SLC6A5: variants seen among roughly 807,000 people sequenced by gnomAD.
SLC6A5 encodes the protein sodium- and chloride-dependent glycine transporter 2.
A neutral mutation model predicts 90.5 loss-of-function variants in SLC6A5; 58 were observed. That is an observed-to-expected ratio of 0.64 (90% confidence interval 0.52 to 0.80). The LOEUF (loss-of-function observed/expected upper bound fraction) is 0.80. SLC6A5 is among the 30% of genes least tolerant of loss of function. The pLI, the probability that SLC6A5 is intolerant of heterozygous loss-of-function variation, is 0.00. For synonymous variants in SLC6A5, 427 were observed against 401.4 expected (o/e 1.06, Z -0.76); for missense variants, 1,015 against 1,017.6 (o/e 1.00, Z 0.03).
At chr11:20,643,668 T>C (rs553381701) in intron 13 of SLC6A5, among the ~76,000 whole-genome samples, 3 of 152,346 alleles carry the variant, frequency 2.0e-5, no homozygotes, top group Non-Finnish European at 4.4e-5. Flanking sequence ...GTACCATGTT[T>C]GTGACTGACT....
At chr11:20,611,878 C>T (rs2133781194) in intron 5 of SLC6A5, among the ~76,000 whole-genome samples, 1 of 152,098 alleles carries the variant, frequency 6.6e-6, no homozygotes, top group Non-Finnish European at 1.5e-5. Context: ...TGGGCCCAGG[C>T]TGTCCCTTGC....
chr11:20,619,359 T>C (rs984085998), intron 7 of SLC6A5, among the ~76,000 whole-genome samples: 1 of 152,154 alleles, frequency 6.6e-6, no homozygotes, highest in African/African-American at 2.4e-5. Context: ...GATTACAGCT[T>C]TTATTAGTGC....
chr11:20,608,922 G>GTCTCTCTCTC (rs138477311), intron 5 of SLC6A5, among the ~76,000 whole-genome samples: 68 of 131,750 alleles, frequency 5.2e-4, no homozygotes, highest in African/African-American at 1.7e-3. Flanking sequence ...CTGTCTGTCT[G>GTCTCTCTCTC]TCTCTCTCTC....
chr11:20,600,412 A>AAGG, intron 1 of SLC6A5, among the ~76,000 whole-genome samples: 1 of 148,316 alleles, frequency 6.7e-6, no homozygotes, highest in South Asian at 2.2e-4. Flanking sequence ...GAAGAAGAAG[A>AAGG]CCTAAACAAA....
At chr11:20,618,547 G>A (rs1565277444) in intron 7 of SLC6A5, among the ~76,000 whole-genome samples, 3 of 152,166 alleles carry the variant, frequency 2.0e-5, no homozygotes, top group Non-Finnish European at 4.4e-5. Flanking sequence ...TCAGTTCCAA[G>A]CCACAGAAAG....
intron 2 of SLC6A5, among the ~76,000 whole-genome samples, chr11:20,602,459 T>G (rs1852498647): frequency 6.6e-6 from 1 of 152,222 alleles, no homozygotes; most frequent in South Asian, 2.1e-4. Flanking sequence ...GCTTTTGTTC[T>G]CTTCAATTTC....
intron 4 of SLC6A5, 136 bp from the exon 5 acceptor site, chr11:20,607,343 A>T: frequency 8.4e-7 from 1 of 1,191,806 alleles, no homozygotes; most frequent in Non-Finnish European, 1.2e-6. Context: ...TCCCTGGTAG[A>T]CATACAGTCC....
At chr11:20,644,620 T>C (rs185751956) in intron 13 of SLC6A5, among the ~76,000 whole-genome samples, 45 of 152,272 alleles carry the variant, frequency 3.0e-4, no homozygotes, top group African/African-American at 9.9e-4. Context: ...CTATTTTTAG[T>C]TTTCAGAGGA....
chr11:20,649,876 T>G (rs1411196283), intron 14 of SLC6A5, among the ~76,000 whole-genome samples: 2 of 152,212 alleles, frequency 1.3e-5, no homozygotes, highest in South Asian at 2.1e-4. Context: ...TAGGGACAAA[T>G]GTTTAAAAAG....
rs75450512 is a variant in SLC6A5, at chr11:20,654,780, G to A, written c.2306G>A (p.Arg769His). 1,104 of 1,614,060 alleles carry A rather than the reference G, an allele frequency of 6.8e-4. 2 individuals carry two copies. The African/African-American group carries it at 0.01, about 15-fold the overall frequency. Residue 769 changes from arginine (R) to histidine (H), a missense_variant, in exon 16 of 16, where the codon CGT becomes CAT. Arg to His is a conservative substitution (Grantham distance 29). Around this residue, in one of 3 missense-constraint regions of SLC6A5, gnomAD observed 442 missense variants for 494.3 expected, o/e 0.89. Coordinates refer to ENST00000525748, the MANE Select transcript of SLC6A5 (RefSeq NM_004211.5). ...GPFLAQHRGE[R>H]YKNMIDPLGT... Reference sequence around the variant, plus strand: ...TTCTTAGCTCAACACCGCGGGGAGCGTTACAAGAACATGATCGACCCCTTG... The same window carrying A: ...TTCTTAGCTCAACACCGCGGGGAGCATTACAAGAACATGATCGACCCCTTG...
At position 20,604,286 on chromosome 11, in the gene SLC6A5, G is replaced by A. The variant is rs201573037; in HGVS notation, c.541G>A (p.Glu181Lys). 4 of 1,609,226 alleles carry A rather than the reference G, an allele frequency of 2.5e-6. No individual in the cohort carries two copies. Among genetic ancestry groups the A allele is most frequent in the African/African-American group, 2.7e-5 (2 of 74,952 alleles). Residue 181 changes from glutamate (E) to lysine (K), a missense_variant and splice_region_variant, in exon 3 of 16, where the codon GAG becomes AAG. By Grantham distance (56) the Glu-to-Lys change is moderately conservative. Around this residue, in one of 3 missense-constraint regions of SLC6A5, gnomAD observed 567 missense variants for 507.3 expected, o/e 1.12. Coordinates refer to ENST00000525748, the MANE Select transcript of SLC6A5 (RefSeq NM_004211.5). ...CGACAATGTGCTTTTCCGCCCCCAG[G>A]AGGACGAGCAAGGGGATGAGAATAA... ...PGSVATVATQEDEQGDENKAR... is the reference protein window; with the variant it reads ...PGSVATVATQKDEQGDENKAR...
At chr11:20,615,868 C>T (rs1326043274) in intron 6 of SLC6A5, among the ~76,000 whole-genome samples, 1 of 152,162 alleles carries the variant, frequency 6.6e-6, no homozygotes, top group Non-Finnish European at 1.5e-5. Flanking sequence ...GGCTGCCTGT[C>T]GCATGTAAGG....
At position 20,630,714 on chromosome 11, in the gene SLC6A5, C is replaced by G. The variant is rs143730018; in HGVS notation, c.1523C>G (p.Thr508Ser). ...AGGGACACTCTAATTGTCACCTGCA[C>G]CAACAGTGCCACAAGCATCTTTGCC... is the stretch of plus-strand genomic sequence containing the variant. The part of the protein sequence containing the change: ...CYRDTLIVTC[T>S]NSATSIFAGF... Residue 508 changes from threonine to serine, a missense_variant, in exon 10 of 16, where the codon ACC (threonine) becomes AGC (serine). Coordinates refer to ENST00000525748, the MANE Select transcript of SLC6A5 (RefSeq NM_004211.5). The G allele has an allele frequency of 1.2e-5, 19 of 1,614,142 alleles. No homozygotes were observed. The highest frequency in any genetic ancestry group is 3.3e-5 in the Admixed American group (2 of 60,016).
chr11:20,654,339 C>T lies in SLC6A5; in HGVS notation c.2239-374C>T, dbSNP rs114803714. Among the ~76,000 whole-genome samples the T allele has an allele frequency of 2.7e-3, 418 of 152,160 alleles. 1 individual carries two copies. The highest frequency in any genetic ancestry group is 9.6e-3 in the African/African-American group (399 of 41,556). On this transcript the variant is annotated intron_variant, in intron 15 of 15. Transcript: ENST00000525748. Reference sequence around the variant, plus strand: ...AAAGTAATCAAGCACATGTGTTTTGCAGACTGTGTTTGGCAGTGAAGAGAG... The same window carrying T: ...AAAGTAATCAAGCACATGTGTTTTGTAGACTGTGTTTGGCAGTGAAGAGAG...
chr11:20,635,895 A>G (rs1853195709), intron 10 of SLC6A5, among the ~76,000 whole-genome samples: 1 of 152,216 alleles, frequency 6.6e-6, no homozygotes, highest in Non-Finnish European at 1.5e-5. Flanking sequence ...GTCTGCAGAC[A>G]TTGCCAAATA....
chr11:20,600,678 G>A (rs1852453244), intron 1 of SLC6A5, among the ~76,000 whole-genome samples: 1 of 152,124 alleles, frequency 6.6e-6, no homozygotes, highest in Non-Finnish European at 1.5e-5. Flanking sequence ...TCAGCTTTGT[G>A]GCCACAGCTT....
intron 3 of SLC6A5, among the ~76,000 whole-genome samples, chr11:20,605,628 T>C (rs12294898): frequency 0.3 from 44,961 of 152,008 alleles, 6,911 homozygotes; most frequent in South Asian, 0.38. Flanking sequence ...ATCAGGGTAG[T>C]GGATGGGGAG....
chr11:20,637,157 C>T lies in SLC6A5; in HGVS notation c.1738-15C>T, dbSNP rs766857863. 3.7e-6 allele frequency: 6 copies of T among 1,613,720 alleles called. No individual in the cohort carries two copies. The highest frequency in any genetic ancestry group is 5.1e-6 in the Non-Finnish European group (6 of 1,179,730). ...ACAATTTGACTCAGATGTTCATTTC[C>T]TGACACGGTTCCAGTTTGCCACCAT... is the stretch of plus-strand genomic sequence containing the variant. On this transcript the variant is annotated splice_polypyrimidine_tract_variant and intron_variant, in intron 11 of 15. Coordinates refer to ENST00000525748, the MANE Select transcript of SLC6A5 (RefSeq NM_004211.5).
chr11:20,645,680 C>T (rs1243266148), intron 13 of SLC6A5, among the ~76,000 whole-genome samples: 1 of 145,768 alleles, frequency 6.9e-6, no homozygotes. Flanking sequence ...GCTGTGTCAC[C>T]CAGGCTAGAG....
Sources: gnomAD v4.1 joint callset for allele counts (sites outside exome capture counted in the v4.1 genomes callset) on GRCh38, gnomAD v4.1.1 for gene constraint, gnomAD v4.1.1 regional missense constraint, MANE v1.5 for transcripts, NCBI Gene and HGNC (gene_info 2026-07-23, HGNC 2026-07-21) for gene names.